Variants in PTGER4 observed in about 807,000 individuals in gnomAD.
PTGER4 encodes prostaglandin E2 receptor EP4 subtype.
Under a neutral mutation model 33.2 loss-of-function variants are expected in PTGER4, and 11 were observed. The ratio of observed to expected loss-of-function variants is 0.33; its 90% CI spans 0.21 to 0.55. PTGER4 has a LOEUF of 0.55. Among genes scored for constraint, PTGER4 ranks in the 20% least tolerant of loss-of-function variants. The pLI is 0.92. For synonymous variants in PTGER4, 275 were observed against 281.5 expected (o/e 0.98, Z 0.23); for missense variants, 481 against 650.2 (o/e 0.74, Z 2.83).
downstream of PTGER4, among the ~76,000 whole-genome samples, chr5:40,696,980 GAA>G (rs1491228019): frequency 2.2e-4 from 24 of 109,614 alleles, no homozygotes; most frequent in East Asian, 8.3e-4. Flanking sequence ...GAGAGAGAGA[GAA>G]AGAGAGAAAG....
At chr5:40,703,043 T>G in the PTGER4 span, among the ~76,000 whole-genome samples, 1 of 152,146 alleles carries the variant, frequency 6.6e-6, no homozygotes. Flanking sequence ...TAGCACTAAA[T>G]GTCCAAATCA....
chr5:40,722,440 T>C, the PTGER4 span, among the ~76,000 whole-genome samples: 1 of 134,972 alleles, frequency 7.4e-6, no homozygotes, highest in African/African-American at 2.9e-5. Flanking sequence ...TTCCCGGCCG[T>C]CATCCAGTCT....
At chr5:40,720,732 T>G in the PTGER4 span, among the ~76,000 whole-genome samples, 1 of 152,072 alleles carries the variant, frequency 6.6e-6, no homozygotes, top group Admixed American at 6.5e-5. Context: ...GCACCCTGGA[T>G]GAATAAGAAT....
At chr5:40,709,026 T>C in the PTGER4 span, among the ~76,000 whole-genome samples, 11 of 152,092 alleles carry the variant, frequency 7.2e-5, no homozygotes, top group Non-Finnish European at 1.0e-4. Flanking sequence ...ATTGATGGGA[T>C]GTATCTCAAA....
chr5:40,704,172 G>T, the PTGER4 span, among the ~76,000 whole-genome samples: 6 of 152,032 alleles, frequency 3.9e-5, no homozygotes. Context: ...AGGATGCAAG[G>T]TTGGTTCAAC....
the PTGER4 span, among the ~76,000 whole-genome samples, chr5:40,700,732 G>A: frequency 2.0e-5 from 3 of 151,114 alleles, no homozygotes; most frequent in African/African-American, 7.3e-5. Flanking sequence ...CAGCTCAGGA[G>A]TGCCAAGTTG....
At chr5:40,738,567 T>TAAAATAAAATAAAATATAAAATAAA in the PTGER4 span, among the ~76,000 whole-genome samples, 159 of 67,554 alleles carry the variant, frequency 2.4e-3, 8 homozygotes, top group Admixed American at 5.7e-3. Flanking sequence ...TAAAATAAAA[T>TAAAATAAAATAAAATATAAAATAAA]ATAAAATAAA....
At chr5:40,684,324 A>G (rs1011952350) in intron 2 of PTGER4, among the ~76,000 whole-genome samples, 1 of 152,136 alleles carries the variant, frequency 6.6e-6, no homozygotes, top group African/African-American at 2.4e-5. Flanking sequence ...GAAGCATCTA[A>G]TTTTATCAAA....
the PTGER4 span, among the ~76,000 whole-genome samples, chr5:40,742,101 T>G: frequency 1.3e-5 from 2 of 148,562 alleles, no homozygotes; most frequent in Admixed American, 6.7e-5. Flanking sequence ...TTGAAAACAG[T>G]TTTTTTTTTA....
chr5:40,735,959 T>C, the PTGER4 span, among the ~76,000 whole-genome samples: 2 of 152,160 alleles, frequency 1.3e-5, no homozygotes, highest in Admixed American at 1.3e-4. Flanking sequence ...AGCAGAGAAA[T>C]GGCAGAGCAT....
chr5:40,730,362 T>A, the PTGER4 span: 17 of 1,594,378 alleles, frequency 1.1e-5, no homozygotes, highest in Non-Finnish European at 1.4e-5. Context: ...GTTAAAGTTA[T>A]ATCAATGCCA....
At chr5:40,718,632 G>A in the PTGER4 span, among the ~76,000 whole-genome samples, 1 of 152,112 alleles carries the variant, frequency 6.6e-6, no homozygotes, top group East Asian at 1.9e-4. Flanking sequence ...TGGCTACTCA[G>A]GGGGCTGAGG....
chr5:40,692,899 T>C lies in PTGER4; in HGVS notation c.*521T>C. 1 of 982,372 alleles carries C rather than the reference T, an allele frequency of 1.0e-6. No homozygotes were observed. Among genetic ancestry groups the C allele is most frequent in the Non-Finnish European group, 1.2e-6 (1 of 826,682 alleles). 60.9% of individuals were successfully genotyped at this position (982,372 alleles called of 1,614,324 possible). A position where few individuals can be genotyped will look rare whatever the true frequency, so the allele number is the denominator to read the frequency against. ...ATTGTTAATACAAGGTATAATAAAA[T>C]TATCGCAACCCCTCTCCTTCCAGTA... On this transcript the variant is annotated 3_prime_UTR_variant, in exon 3 of 3. Coordinates refer to ENST00000302472, the MANE Select transcript of PTGER4 (RefSeq NM_000958.3).
the PTGER4 span, among the ~76,000 whole-genome samples, chr5:40,719,850 C>T: frequency 2.0e-5 from 3 of 152,082 alleles, no homozygotes; most frequent in Non-Finnish European, 2.9e-5. Context: ...TGGAAAAATA[C>T]CTTTTCAAAT....
chr5:40,684,115 CA>C (rs1240972005), intron 2 of PTGER4, among the ~76,000 whole-genome samples: 93 of 65,374 alleles, frequency 1.4e-3, no homozygotes, highest in African/African-American at 4.1e-3. Context: ...TTCATTATGC[CA>C]CCCACCCACC....
the PTGER4 span, among the ~76,000 whole-genome samples, chr5:40,722,918 G>A: frequency 8.0e-4 from 122 of 152,118 alleles, no homozygotes; most frequent in African/African-American, 2.8e-3. Flanking sequence ...CTGCCCAGCC[G>A]CCACCCCATC....
downstream of PTGER4, among the ~76,000 whole-genome samples, chr5:40,696,309 AC>A (rs1241459167): frequency 1.3e-5 from 2 of 152,310 alleles, no homozygotes; most frequent in Non-Finnish European, 1.5e-5. Flanking sequence ...AAGTACTTGT[AC>A]TAGTCTCAGA....
chr5:40,685,879 A>C (rs879237809), intron 2 of PTGER4, among the ~76,000 whole-genome samples: 1 of 152,098 alleles, frequency 6.6e-6, no homozygotes, highest in African/African-American at 2.4e-5. Flanking sequence ...TTTTTTTCTC[A>C]GCCCTGACGT....
downstream of PTGER4, among the ~76,000 whole-genome samples, chr5:40,697,295 AAAAAG>A (rs1741634725): frequency 6.7e-6 from 1 of 148,592 alleles, no homozygotes; most frequent in African/African-American, 2.5e-5. Context: ...AGAAAGAAAG[AAAAAG>A]AAAGGCCAGG....
Sources: allele counts gnomAD v4.1 joint callset (sites outside exome capture counted in the v4.1 genomes callset), GRCh38; gene constraint gnomAD v4.1.1; transcripts MANE v1.5; gene names NCBI Gene and HGNC (gene_info 2026-07-23, HGNC 2026-07-21).